The following SBNO2 variants were observed in gnomAD, a reference collection of about 807,000 sequenced individuals.
SBNO2 encodes the protein strawberry notch homolog 2.
In SBNO2, 89 loss-of-function variants were observed where a neutral mutation model predicts 146.3. That is an observed-to-expected ratio of 0.61 (90% CI 0.51 to 0.73). The LOEUF is 0.73. Ranked by LOEUF, SBNO2 falls within the 30% of genes least tolerant of loss-of-function variation. The pLI is 0.00. For missense variants in SBNO2, 2,092 were observed against 2,003.7 expected (o/e 1.04, Z -0.84); for synonymous variants, 1,147 against 892.6 (o/e 1.29, Z -5.08).
In SBNO2 at chr19:1,123,604, G is replaced by C. The variant is rs377462476; in HGVS notation, c.558C>G (p.Asp186Glu). The change falls in exon 7 of 32, where the codon GAC (aspartate) becomes GAG (glutamate). Residue 186 changes from aspartate to glutamate, a missense_variant. By Grantham distance (45) the Asp-to-Glu change is conservative. Transcript: ENST00000361757. ...QSVQSQPEEE[D>E]EAEEEEAEEL... ...CCTCCGCCTCCTCCTCCTCAGCCTCGTCCTCCTCCTCTGGCTGGCTCTGCA... is the reference window on the plus strand; with the variant it reads ...CCTCCGCCTCCTCCTCCTCAGCCTCCTCCTCCTCCTCTGGCTGGCTCTGCA... 1.9e-6 allele frequency: 3 copies of C among 1,613,264 alleles called. No individual in the cohort carries two copies. Among genetic ancestry groups the C allele is most frequent in the Admixed American group, 3.3e-5 (2 of 59,958 alleles).
In SBNO2 at chr19:1,150,919, T is replaced by C. The variant is rs2080236816; in HGVS notation, c.94-1477A>G. 6.6e-6 allele frequency among the ~76,000 whole-genome samples: 1 copy of C among 151,948 alleles called. No individual in the cohort carries two copies. Among genetic ancestry groups the C allele is most frequent in the South Asian group, 2.1e-4 (1 of 4,822 alleles). ...CTGCCCCGCTCCTCCAGCTTTTGCA[T>C]AAAATAAGTTTATCAGCAAAAGCCC... On this transcript the variant is annotated intron_variant, in intron 2 of 31. Transcript: ENST00000361757. This position sits in a 1 kb window ranked among gnomAD's most constrained non-coding sequence, Gnocchi z 6.2.
At chr19:1,141,923 C>G (rs1255992095) in intron 4 of SBNO2, among the ~76,000 whole-genome samples, 1 of 152,062 alleles carries the variant, frequency 6.6e-6, no homozygotes. Context: ...GTGCCCAGTC[C>G]TGACTCAAAC....
At chr19:1,125,849 C>T (rs1428324928) in intron 5 of SBNO2, among the ~76,000 whole-genome samples, 1 of 151,936 alleles carries the variant, frequency 6.6e-6, no homozygotes, top group Non-Finnish European at 1.5e-5. Context: ...CAAAAATTAG[C>T]CAGGCGTGGT....
chr19:1,166,561 T>C (rs998032507), intron 1 of SBNO2, among the ~76,000 whole-genome samples: 10 of 151,900 alleles, frequency 6.6e-5, no homozygotes, highest in African/African-American at 2.4e-4. Context: ...GAGGACTGCG[T>C]GAGCCCAGGA....
At chr19:1,117,877 C>T (rs1369225559) in intron 14 of SBNO2, among the ~76,000 whole-genome samples, 1 of 152,212 alleles carries the variant, frequency 6.6e-6, no homozygotes, top group African/African-American at 2.4e-5. Context: ...CTGTGGTGGT[C>T]AGGTTTGGGG....
intron 18 of SBNO2, 74 bp from the exon 19 acceptor site, chr19:1,113,778 C>A: frequency 7.2e-7 from 1 of 1,392,314 alleles, no homozygotes; most frequent in East Asian, 3.0e-5. Context: ...AAGGCTGGCC[C>A]CTGGAGGGCA....
Position 1,108,625 on chromosome 19 carries a change from C to T in SBNO2, c.3696G>A (p.Gln1232=), listed in dbSNP as rs1402480702. The T allele has an allele frequency of 6.9e-7, 1 of 1,455,938 alleles. No homozygotes were observed. The allele number at this position is 1,455,938 out of a possible 1,614,324, so 90.2% of individuals were successfully genotyped here. ...GGGCGGGGCAGCCCAGGGCGGGCGC[C>T]TGCCTGCGCTTCACGTCCGCATCCA... ...RLMDADVKRR[Q]APALGCPAPP... is the part of the protein sequence containing the mutation. The change falls in exon 32 of 32, where the codon CAG becomes CAA. Residue 1232 remains glutamine, a synonymous_variant. Transcript: ENST00000361757.
chr19:1,163,352 G>A (rs889015688), intron 1 of SBNO2, among the ~76,000 whole-genome samples: 19 of 152,214 alleles, frequency 1.2e-4, no homozygotes, highest in African/African-American at 3.6e-4. Context: ...CTGGAGCCCC[G>A]GAAGCTGGGA....
At chr19:1,160,395 A>G (rs913950908) in intron 1 of SBNO2, among the ~76,000 whole-genome samples, 3 of 152,194 alleles carry the variant, frequency 2.0e-5, no homozygotes, top group African/African-American at 7.2e-5. Context: ...GCGGCCTCAC[A>G]GGAGGCCCAG....
At position 1,173,907 on chromosome 19, in the gene SBNO2, G is replaced by A. The variant is rs1365061398; in HGVS notation, c.-127+265C>T. 1 of 150,738 alleles carries A rather than the reference G, an allele frequency of 6.6e-6. No individual in the cohort carries two copies. The highest frequency in any genetic ancestry group is 1.5e-5 in the Non-Finnish European group (1 of 67,432). 9.3% of individuals were successfully genotyped at this position (150,738 alleles called of 1,614,324 possible). A position where few individuals can be genotyped will look rare whatever the true frequency, so the allele number is the denominator to read the frequency against. ...AAGGTAGGGTTAAGGTTCACGGCAGGGGGTCGCCGGGGGGCGGGGGGGCAG... is the reference window on the plus strand; with the variant it reads ...AAGGTAGGGTTAAGGTTCACGGCAGAGGGTCGCCGGGGGGCGGGGGGGCAG... On this transcript the variant is annotated intron_variant, in intron 1 of 31. Transcript: ENST00000361757. This position sits in a 1 kb window ranked among gnomAD's most constrained non-coding sequence, Gnocchi z 4.7.
At chr19:1,122,603 C>T in intron 9 of SBNO2, 45 bp from the exon 10 acceptor site, 2 of 1,481,402 alleles carry the variant, frequency 1.4e-6, no homozygotes, top group Non-Finnish European at 1.8e-6. Flanking sequence ...CCCCCTCGCC[C>T]CCCGCTTCCG....
Position 1,113,678 on chromosome 19 carries a change from G to T in SBNO2, c.2104C>A (p.Pro702Thr), listed in dbSNP as rs776978691. 6.3e-7 allele frequency: 1 copy of T among 1,591,064 alleles called. No homozygotes were observed. Among genetic ancestry groups the T allele is most frequent in the Non-Finnish European group, 8.5e-7 (1 of 1,169,914 alleles). The change falls in exon 19 of 32, where the codon CCG (proline) becomes ACG (threonine). Residue 702 changes from proline to threonine, a missense_variant. By Grantham distance (38) the Pro-to-Thr change is conservative (BLOSUM62 -1). Coordinates refer to ENST00000361757, the MANE Select transcript of SBNO2 (RefSeq NM_014963.3). Reference protein sequence around the residue: ...RGPLCLLQRDPHGPGVLERVE... With the variant: ...RGPLCLLQRDTHGPGVLERVE... ...CGCTCCAGGACCCCGGGGCCATGCG[G>T]GTCTCTCTGCAGGAGGCACAGGGGT... is the stretch of plus-strand genomic sequence containing the variant.
intron 1 of SBNO2, among the ~76,000 whole-genome samples, chr19:1,168,312 C>G (rs1008795294): frequency 5.3e-5 from 8 of 152,086 alleles, no homozygotes; most frequent in Non-Finnish European, 1.0e-4. Context: ...TGATAAAAGC[C>G]CCCGAAAATG....
intron 2 of SBNO2, among the ~76,000 whole-genome samples, chr19:1,149,725 T>G (rs951556245): frequency 2.6e-5 from 4 of 152,212 alleles, no homozygotes; most frequent in African/African-American, 4.8e-5. Flanking sequence ...CAGCCCCATG[T>G]GCAGGCCCGC....
chr19:1,141,662 G>A (rs1027852745), intron 4 of SBNO2, among the ~76,000 whole-genome samples: 9 of 151,926 alleles, frequency 5.9e-5, no homozygotes, highest in Non-Finnish European at 1.0e-4. Context: ...CATCCATCAC[G>A]GACACACGGA....
At position 1,109,669 on chromosome 19, in the gene SBNO2, G is replaced by A; in HGVS notation, c.3123+14C>T. The A allele has an allele frequency of 6.2e-7, 1 of 1,607,478 alleles. No individual in the cohort carries two copies. On this transcript the variant is annotated intron_variant, in intron 27 of 31. Transcript: ENST00000361757. This position sits in a 1 kb window ranked among gnomAD's most constrained non-coding sequence, Gnocchi z 4.2. The stretch of plus-strand genomic sequence containing the variant: ...GTGGGCAGAGTGTGAGGGGCTGTGG[G>A]GCTTCCTGCTGACCTTGTAGAAGAC...
intron 4 of SBNO2, among the ~76,000 whole-genome samples, chr19:1,145,358 A>C (rs2080179866): frequency 6.6e-6 from 1 of 151,218 alleles, no homozygotes; most frequent in African/African-American, 2.4e-5. Context: ...CTGTGGTCTC[A>C]GCTGCTCGGG....
chr19:1,164,387 C>CAGGAGGAGGAGG (rs1163081216), intron 1 of SBNO2, among the ~76,000 whole-genome samples: 1 of 56,068 alleles, frequency 1.8e-5, no homozygotes, highest in Non-Finnish European at 3.4e-5. Context: ...GCAGTGGAGA[C>CAGGAGGAGGAGG]AGGAGGAGGA....
chr19:1,157,580 G>T lies in SBNO2; in HGVS notation c.-126-3178C>A, dbSNP rs954256666. ...TGCGTGGTGTGGGGGTTGGGGGGGC[G>T]GGGGTCACACGGTTCCCACCTTGGG... On this transcript the variant is annotated intron_variant, in intron 1 of 31. Coordinates refer to ENST00000361757, the MANE Select transcript of SBNO2 (RefSeq NM_014963.3). This position sits in a 1 kb window ranked among gnomAD's most constrained non-coding sequence, Gnocchi z 6.8. Among the ~76,000 whole-genome samples the T allele has an allele frequency of 1.3e-5, 2 of 151,854 alleles. No individual in the cohort carries two copies. Among genetic ancestry groups the T allele is most frequent in the African/African-American group, 2.4e-5 (1 of 41,342 alleles).
Sources: allele counts gnomAD v4.1 joint callset (sites outside exome capture counted in the v4.1 genomes callset), GRCh38; gene constraint gnomAD v4.1.1; non-coding constraint Gnocchi (gnomAD v3.1); transcripts MANE v1.5; gene names NCBI Gene and HGNC (gene_info 2026-07-23, HGNC 2026-07-21).